PIK3C2G: variants seen among roughly 807,000 people sequenced by gnomAD.
PIK3C2G encodes the protein phosphatidylinositol 3-kinase C2 domain-containing subunit gamma.
PIK3C2G carries 168 observed loss-of-function variants against 181.1 expected under a neutral mutation model. The observed-to-expected ratio is 0.93, with a 90% CI of 0.82 to 1.05. The LOEUF is 1.05. Among genes scored for constraint, PIK3C2G ranks in the 50% least tolerant of loss-of-function variants. The pLI is 0.00. For synonymous variants in PIK3C2G, 573 were observed against 592.2 expected, an observed-to-expected ratio of 0.97 and a Z score of 0.47; for missense variants, 1,869 against 1,732.8, an observed-to-expected ratio of 1.08 and a Z score of -1.40.
chr12:18,635,334 T>C lies in PIK3C2G; in HGVS notation c.4183-5095T>C, dbSNP rs1386808898. On this transcript the variant is annotated intron_variant, in intron 31 of 32. Transcript: ENST00000538779. ...TTGGGCCACTTCTTCATGTAACTTA[T>C]CGTGACACGCCATCAAGGCCAGTTC... Among the ~76,000 whole-genome samples the C allele has an allele frequency of 3.3e-5, 5 of 152,218 alleles. No homozygotes were observed. The South Asian group carries it at 8.3e-4, about 25-fold the overall frequency.
chr12:18,331,476 C>T (rs890440008), intron 8 of PIK3C2G, among the ~76,000 whole-genome samples: 1 of 151,964 alleles, frequency 6.6e-6, no homozygotes, highest in Admixed American at 6.6e-5. Flanking sequence ...GTTACTAATA[C>T]GTGGGAGTGG....
At position 18,620,824 on chromosome 12, in the gene PIK3C2G, A is replaced by C. The variant is rs77591336; in HGVS notation, c.4182+11195A>C. ...CCTCTTAATCCTGGTTATTTAATCC[A>C]GCATATTCACATTATTGACACATTC... On this transcript the variant is annotated intron_variant, in intron 31 of 32. Transcript: ENST00000538779. Among the ~76,000 whole-genome samples, 866 of 152,234 alleles carry C rather than the reference A, an allele frequency of 5.7e-3. 2 individuals carry two copies. Among genetic ancestry groups the C allele is most frequent in the Middle Eastern group, 0.01 (3 of 294 alleles).
chr12:18,255,400 A>G (rs578038944), intron 1 of PIK3C2G, among the ~76,000 whole-genome samples: 3 of 152,296 alleles, frequency 2.0e-5, no homozygotes, highest in African/African-American at 4.8e-5. Context: ...ATCTAATTCT[A>G]TAACAAAAGT....
At chr12:18,415,392 C>T (rs1337173773) in intron 16 of PIK3C2G, among the ~76,000 whole-genome samples, 1 of 152,198 alleles carries the variant, frequency 6.6e-6, no homozygotes, top group Non-Finnish European at 1.5e-5. Context: ...AAGGTGCACC[C>T]ACAGTACAGA....
chr12:18,576,158 A>G (rs932132629), intron 29 of PIK3C2G, among the ~76,000 whole-genome samples: 8 of 152,226 alleles, frequency 5.3e-5, no homozygotes, highest in African/African-American at 1.7e-4. Context: ...AGAAGTTTGA[A>G]TGTTATTACA....
chr12:18,269,865 A>G (rs565848871), intron 1 of PIK3C2G, among the ~76,000 whole-genome samples: 1 of 150,170 alleles, frequency 6.7e-6, no homozygotes, highest in South Asian at 2.1e-4. Flanking sequence ...TGTGGCTACT[A>G]TTTGTCAGAC....
the PIK3C2G span, among the ~76,000 whole-genome samples, chr12:18,722,352 C>T: frequency 1.7e-4 from 26 of 152,130 alleles, no homozygotes; most frequent in African/African-American, 6.3e-4. Context: ...ATATCTTCAG[C>T]CCCCAAAACC....
chr12:18,545,845 T>C (rs982276447), intron 25 of PIK3C2G, among the ~76,000 whole-genome samples: 4 of 151,924 alleles, frequency 2.6e-5, no homozygotes, highest in African/African-American at 9.7e-5. Context: ...TTGTGGAGAT[T>C]AAACTTTTCT....
chr12:18,282,864 T>A (rs147251688), intron 2 of PIK3C2G, 105 bp downstream of exon 2: 3 of 772,690 alleles, frequency 3.9e-6, no homozygotes, highest in Non-Finnish European at 5.9e-6. Flanking sequence ...AATAGGGAAA[T>A]CTATTCATCT....
chr12:18,683,192 G>A, the PIK3C2G span: 2 of 1,519,460 alleles, frequency 1.3e-6, no homozygotes, highest in Non-Finnish European at 1.8e-6. Context: ...CATTTTGGCT[G>A]TTTTATTGCG....
chr12:18,484,567 C>A (rs1343692773), intron 18 of PIK3C2G, among the ~76,000 whole-genome samples: 1 of 152,026 alleles, frequency 6.6e-6, no homozygotes, highest in Non-Finnish European at 1.5e-5. Flanking sequence ...GCAGACTTGC[C>A]CCATATAATG....
At chr12:18,268,313 TTG>T (rs1395928878) in intron 1 of PIK3C2G, among the ~76,000 whole-genome samples, 1 of 152,166 alleles carries the variant, frequency 6.6e-6, no homozygotes, top group Non-Finnish European at 1.5e-5. Context: ...GCTTAATTTT[TTG>T]AGTTATGTTA....
intron 11 of PIK3C2G, among the ~76,000 whole-genome samples, chr12:18,354,907 T>A (rs1478669868): frequency 6.6e-6 from 1 of 152,190 alleles, no homozygotes; most frequent in Non-Finnish European, 1.5e-5. Context: ...TATTCTCAAG[T>A]CCTGGTGACC....
chr12:18,612,736 T>C (rs148437862), intron 31 of PIK3C2G, among the ~76,000 whole-genome samples: 175 of 152,276 alleles, frequency 1.1e-3, no homozygotes, highest in African/African-American at 4.0e-3. Context: ...CCAAAATAAT[T>C]AGACTAACAT....
chr12:18,674,140 T>C, the PIK3C2G span, among the ~76,000 whole-genome samples: 1 of 152,206 alleles, frequency 6.6e-6, no homozygotes, highest in Non-Finnish European at 1.5e-5. Context: ...GGGAAAAGCA[T>C]ATAGAAACAC....
the PIK3C2G span, among the ~76,000 whole-genome samples, chr12:18,675,815 A>G: frequency 1.3e-5 from 2 of 151,994 alleles, no homozygotes; most frequent in Non-Finnish European, 2.9e-5. Flanking sequence ...GGAGCTAACA[A>G]TAAGTACAAA....
At chr12:18,458,023 CAATT>C (rs1179610823) in intron 18 of PIK3C2G, among the ~76,000 whole-genome samples, 2 of 151,670 alleles carry the variant, frequency 1.3e-5, no homozygotes, top group Non-Finnish European at 2.9e-5. Flanking sequence ...TTAATGATAA[CAATT>C]TATTTTACAT....
chr12:18,618,094 C>T (rs560408295), intron 31 of PIK3C2G, among the ~76,000 whole-genome samples: 1 of 152,088 alleles, frequency 6.6e-6, no homozygotes, highest in South Asian at 2.1e-4. Context: ...CACATAAGGA[C>T]GTTTTCTCTA....
intron 26 of PIK3C2G, among the ~76,000 whole-genome samples, chr12:18,547,332 C>T (rs534143795): frequency 3.3e-5 from 5 of 152,060 alleles, no homozygotes; most frequent in South Asian, 2.1e-4. Context: ...ATGGGGATGT[C>T]GTACACACTT....
Sources: allele counts gnomAD v4.1 joint callset (sites outside exome capture counted in the v4.1 genomes callset), GRCh38; gene constraint gnomAD v4.1.1; transcripts MANE v1.5; gene names NCBI Gene and HGNC (gene_info 2026-07-23, HGNC 2026-07-21).